The following GRM7 variants were observed in gnomAD, a reference collection of about 807,000 sequenced individuals.
The protein encoded by GRM7 is glutamate metabotropic receptor 7, also known as metabotropic glutamate receptor 7.
In GRM7, 35 loss-of-function variants were observed where a neutral mutation model predicts 84.5. That is an observed-to-expected ratio of 0.41 (90% CI 0.32 to 0.55). The LOEUF is 0.55. GRM7 is among the 20% of genes least tolerant of loss of function. GRM7 has a pLI of 0.19. For synonymous variants in GRM7, 487 were observed against 455.1 expected (o/e 1.07, Z -0.89); for missense variants, 1,003 against 1,194.6 (o/e 0.84, Z 2.36).
chr3:7,600,917 A>G (rs1559431073), intron 8 of GRM7, among the ~76,000 whole-genome samples: 1 of 152,128 alleles, frequency 6.6e-6, no homozygotes, highest in Non-Finnish European at 1.5e-5. Flanking sequence ...ACAGACAGAA[A>G]TAGATAGCAA....
At chr3:7,304,725 C>T (rs73020271) in intron 3 of GRM7, among the ~76,000 whole-genome samples, 71,638 of 151,558 alleles carry the variant, frequency 0.47, 18,566 homozygotes, top group Non-Finnish European at 0.6. Flanking sequence ...TTCATATTTT[C>T]AAAAAGAGCT....
intron 7 of GRM7, among the ~76,000 whole-genome samples, chr3:7,559,565 G>C (rs1013097493): frequency 2.6e-5 from 4 of 151,998 alleles, no homozygotes; most frequent in Non-Finnish European, 1.5e-5. Context: ...GTGTTTCAAA[G>C]TCTCCCAACA....
chr3:7,264,664 C>T (rs1424302979), intron 2 of GRM7, among the ~76,000 whole-genome samples: 2 of 152,158 alleles, frequency 1.3e-5, no homozygotes, highest in Non-Finnish European at 2.9e-5. Context: ...TCCATATGTC[C>T]CACTCCCTTG....
chr3:7,116,141 A>G (rs1231601156), intron 1 of GRM7, among the ~76,000 whole-genome samples: 2 of 152,124 alleles, frequency 1.3e-5, no homozygotes, highest in Non-Finnish European at 2.9e-5. Flanking sequence ...AAATACTCAG[A>G]CTGTACCAAC....
At chr3:7,702,341 C>A (rs1331296904) in intron 9 of GRM7, among the ~76,000 whole-genome samples, 1 of 152,174 alleles carries the variant, frequency 6.6e-6, no homozygotes, top group Non-Finnish European at 1.5e-5. Flanking sequence ...GCCCATGTTG[C>A]TGGTCTTTGG....
chr3:7,574,437 C>T (rs1189288414), intron 7 of GRM7, among the ~76,000 whole-genome samples: 2 of 152,174 alleles, frequency 1.3e-5, no homozygotes, highest in Non-Finnish European at 2.9e-5. Context: ...GGATTACAGG[C>T]GTGAGCCACT....
chr3:7,193,054 G>A (rs549595996), intron 2 of GRM7, among the ~76,000 whole-genome samples: 27 of 151,934 alleles, frequency 1.8e-4, no homozygotes, highest in Non-Finnish European at 2.1e-4. Context: ...CGTTTGTTTT[G>A]GTGGGGTAAT....
In GRM7 at chr3:7,176,229, TAAAAAAAAAAAAAAA is replaced by T. The variant is rs55732650; in HGVS notation, c.736+29580_736+29594del. Among the ~76,000 whole-genome samples, 130 of 63,146 alleles carry T rather than the reference TAAAAAAAAAAAAAAA, an allele frequency of 2.1e-3. 2 individuals carry two copies. Among genetic ancestry groups the T allele is most frequent in the Non-Finnish European group, 3.1e-3 (113 of 36,316 alleles). 41.4% of individuals were successfully genotyped at this position (63,146 alleles called of 152,430 possible). On this transcript the variant is annotated intron_variant, in intron 2 of 9. Transcript: ENST00000357716. ...AAGGAGACCTCATCTCTATAAAAAG[TAAAAAAAAAAAAAAA>T]AAAAAAAAAAAAAAAAAATAGCTGG...
chr3:7,064,479 T>C (rs200702230), intron 1 of GRM7, among the ~76,000 whole-genome samples: 1,806 of 99,374 alleles, frequency 0.018, 178 homozygotes, highest in East Asian at 0.091. Context: ...TATATATATA[T>C]ACACACATAT....
chr3:7,147,195 G>A (rs1694137581), intron 2 of GRM7, among the ~76,000 whole-genome samples: 2 of 152,276 alleles, frequency 1.3e-5, no homozygotes, highest in South Asian at 4.1e-4. Flanking sequence ...AGATTATTTT[G>A]AGAGAGTTCT....
chr3:7,485,239 G>A (rs895862610), intron 7 of GRM7, among the ~76,000 whole-genome samples: 1 of 152,192 alleles, frequency 6.6e-6, no homozygotes, highest in Non-Finnish European at 1.5e-5. Context: ...GTCACTATGT[G>A]TTGGGGTAAT....
rs536908211 is a variant in GRM7, at chr3:7,529,854, C to CTGT, written c.1516-48548_1516-48546dup. Among the ~76,000 whole-genome samples the CTGT allele has an allele frequency of 9.8e-3, 1,482 of 150,784 alleles. 16 individuals are homozygous for CTGT. The highest frequency in any genetic ancestry group is 0.031 in the African/African-American group (1,288 of 41,098). On this transcript the variant is annotated intron_variant, in intron 7 of 9. Transcript: ENST00000357716. Reference sequence around the variant, plus strand: ...AGACTCAACCTGGGGAACAAATAAGCTGTTGTTGTTGTTGTTGTTGTTTTA... The same window carrying CTGT: ...AGACTCAACCTGGGGAACAAATAAGCTGTTGTTGTTGTTGTTGTTGTTGTTTTA...
chr3:7,118,224 A>G, intron 1 of GRM7, among the ~76,000 whole-genome samples: 1 of 151,530 alleles, frequency 6.6e-6, no homozygotes, highest in East Asian at 1.9e-4. Flanking sequence ...TGTCTCTACA[A>G]AAAATAAAAA....
intron 4 of GRM7, among the ~76,000 whole-genome samples, chr3:7,378,672 A>G (rs1425341108): frequency 6.6e-6 from 1 of 152,154 alleles, no homozygotes; most frequent in Admixed American, 6.5e-5. Flanking sequence ...ATAATATTGT[A>G]TTAACTAACA....
intron 2 of GRM7, among the ~76,000 whole-genome samples, chr3:7,288,642 T>C (rs1444795579): frequency 1.3e-5 from 2 of 152,134 alleles, no homozygotes; most frequent in Non-Finnish European, 2.9e-5. Flanking sequence ...TTGGAACCAA[T>C]AAAAGCAGTT....
intron 2 of GRM7, among the ~76,000 whole-genome samples, chr3:7,283,990 T>G (rs997593400): frequency 3.3e-5 from 5 of 152,190 alleles, no homozygotes; most frequent in African/African-American, 1.2e-4. Context: ...CTTTGCAAAG[T>G]GACAGTTCAA....
At chr3:6,902,398 A>G (rs1031387104) in intron 1 of GRM7, among the ~76,000 whole-genome samples, 4 of 152,182 alleles carry the variant, frequency 2.6e-5, no homozygotes, top group Non-Finnish European at 5.9e-5. Context: ...TGGAGAAAGA[A>G]TTTGGAACCC....
At chr3:7,530,431 T>C (rs1209481501) in intron 7 of GRM7, among the ~76,000 whole-genome samples, 1 of 152,216 alleles carries the variant, frequency 6.6e-6, no homozygotes, top group African/African-American at 2.4e-5. Context: ...TATAGTAGAA[T>C]GATTTATAAT....
intron 4 of GRM7, among the ~76,000 whole-genome samples, chr3:7,375,188 T>C (rs886744445): frequency 6.6e-6 from 1 of 150,674 alleles, no homozygotes; most frequent in East Asian, 2.0e-4. Flanking sequence ...GGCCAAACCA[T>C]AAACTGGCTC....
Sources: allele counts gnomAD v4.1 joint callset (sites outside exome capture counted in the v4.1 genomes callset), GRCh38; gene constraint gnomAD v4.1.1; transcripts MANE v1.5; gene names NCBI Gene and HGNC (gene_info 2026-07-23, HGNC 2026-07-21).